The following PLD1 variants were observed in gnomAD, a reference collection of about 807,000 sequenced individuals.
The protein encoded by PLD1 is choline phosphatase 1.
A neutral mutation model predicts 137.1 loss-of-function variants in PLD1; 112 were observed. That is an observed-to-expected ratio of 0.82 (90% CI 0.70 to 0.96). The LOEUF (loss-of-function observed/expected upper bound fraction) is 0.96, where lower values mean the gene tolerates loss of function less well. PLD1 is among the 40% of genes least tolerant of loss of function. The pLI is 0.00. For missense variants in PLD1, 1,321 were observed against 1,342.0 expected, an observed-to-expected ratio of 0.98 and a Z score of 0.24; for synonymous variants, 431 against 454.7, an observed-to-expected ratio of 0.95 and a Z score of 0.66.
chr3:171,626,502 C>T (rs1179267818), intron 23 of PLD1, among the ~76,000 whole-genome samples: 9 of 152,040 alleles, frequency 5.9e-5, no homozygotes, highest in Admixed American at 2.0e-4. Context: ...ATACAGAGAA[C>T]GCCACAAAGA....
At chr3:171,652,781 T>A (rs1441658090) in intron 21 of PLD1, among the ~76,000 whole-genome samples, 1 of 141,472 alleles carries the variant, frequency 7.1e-6, no homozygotes, top group African/African-American at 2.6e-5. Context: ...TTTTTTTTTT[T>A]TTTTTTTTTT....
At chr3:171,637,781 T>C (rs1401551691) in intron 23 of PLD1, among the ~76,000 whole-genome samples, 1 of 152,168 alleles carries the variant, frequency 6.6e-6, no homozygotes, top group African/African-American at 2.4e-5. Context: ...CTGTACAGCA[T>C]GATACTATAC....
chr3:171,809,882 A>T (rs991699709), intron 1 of PLD1: 1 of 152,366 alleles, frequency 6.6e-6, no homozygotes, highest in Non-Finnish European at 1.5e-5. Context: ...AGCCGCGGTC[A>T]GCAGCTGTGA....
chr3:171,786,768 T>C (rs1723026742), intron 1 of PLD1, among the ~76,000 whole-genome samples: 1 of 152,114 alleles, frequency 6.6e-6, no homozygotes, highest in Non-Finnish European at 1.5e-5. Context: ...ATTTTATATA[T>C]AATAAATATC....
intron 1 of PLD1, among the ~76,000 whole-genome samples, chr3:171,777,606 C>T (rs1229909852): frequency 6.6e-6 from 1 of 152,128 alleles, no homozygotes; most frequent in East Asian, 1.9e-4. Context: ...CCTCACTTTC[C>T]AGCCAAATTG....
chr3:171,756,244 G>T (rs150019327), intron 1 of PLD1, among the ~76,000 whole-genome samples: 170 of 152,298 alleles, frequency 1.1e-3, no homozygotes, highest in African/African-American at 4.0e-3. Context: ...GAGCTAAAAA[G>T]TCTTCAGTAA....
chr3:171,639,399 T>C (rs1405662719), intron 23 of PLD1, among the ~76,000 whole-genome samples: 39 of 126,742 alleles, frequency 3.1e-4, no homozygotes, highest in African/African-American at 1.2e-3. Context: ...ATGTAAATTA[T>C]ATATTTATAT....
At chr3:171,686,917 T>C (rs1239915270) in intron 15 of PLD1, 119 bp from the exon 16 acceptor site, 2 of 542,382 alleles carry the variant, frequency 3.7e-6, no homozygotes, top group Non-Finnish European at 3.3e-6. Flanking sequence ...TAAGATTCTG[T>C]GCAACAGAAA....
At chr3:171,732,276 C>T (rs1370616135) in intron 6 of PLD1, among the ~76,000 whole-genome samples, 1 of 152,180 alleles carries the variant, frequency 6.6e-6, no homozygotes, top group Non-Finnish European at 1.5e-5. Flanking sequence ...CCCTGCCTCC[C>T]ATCATCCTTC....
chr3:171,653,783 C>T (rs1361454043), intron 21 of PLD1: 1 of 152,860 alleles, frequency 6.5e-6, no homozygotes, highest in Non-Finnish European at 1.5e-5. Context: ...TGAACTGGTG[C>T]TTTACAGCTT....
intron 25 of PLD1, chr3:171,611,330 T>C (rs1406154143): frequency 5.3e-6 from 1 of 188,684 alleles, no homozygotes; most frequent in Admixed American, 5.3e-5. Flanking sequence ...GAGACGAGAT[T>C]ATATTACTTG....
Position 171,601,735 on chromosome 3 carries a change from T to C in PLD1, c.*1343A>G, listed in dbSNP as rs1012915875. 1 of 152,182 alleles carries C rather than the reference T, an allele frequency of 6.6e-6. No homozygotes were observed. Among genetic ancestry groups the C allele is most frequent in the Non-Finnish European group, 1.5e-5 (1 of 68,036 alleles). The allele number at this position is 152,182 out of a possible 1,614,324, so 9.4% of individuals were successfully genotyped here. ...AGTATGTCCAGGTAATCCATAGACATGTATAATCATTACACCTGCATTTTG... is the reference window on the plus strand; with the variant it reads ...AGTATGTCCAGGTAATCCATAGACACGTATAATCATTACACCTGCATTTTG... On this transcript the variant is annotated 3_prime_UTR_variant, in exon 27 of 27. Transcript: ENST00000351298.
intron 1 of PLD1, among the ~76,000 whole-genome samples, chr3:171,778,615 A>G (rs1722668155): frequency 6.6e-6 from 1 of 152,190 alleles, no homozygotes; most frequent in African/African-American, 2.4e-5. Context: ...AAAAGGGCCC[A>G]GGCAGAAGAA....
intron 23 of PLD1, among the ~76,000 whole-genome samples, chr3:171,626,177 G>A (rs1734088287): frequency 6.6e-6 from 1 of 152,190 alleles, no homozygotes; most frequent in Non-Finnish European, 1.5e-5. Context: ...GGAGCTGAAA[G>A]CCAAGGCTCG....
In PLD1 at chr3:171,708,786, C is replaced by G; in HGVS notation, c.1114G>C (p.Ala372Pro). ...FEDVANAMEE[A>P]NEEIFITDWW... The stretch of plus-strand genomic sequence containing the variant: ...TCTGTGATAAAAATCTCTTCATTTG[C>G]CTCTTCCATTGCATTTGCCACATCT... The change falls in exon 11 of 27, where the codon GCA becomes CCA. Residue 372 changes from alanine to proline, a missense_variant. Coordinates refer to ENST00000351298, the MANE Select transcript of PLD1 (RefSeq NM_002662.5). The G allele has an allele frequency of 6.2e-7, 1 of 1,603,708 alleles. No homozygotes were observed. The highest frequency in any genetic ancestry group is 8.5e-7 in the Non-Finnish European group (1 of 1,170,512).
At chr3:171,639,848 C>CTCTATATATATA (rs3050415) in intron 23 of PLD1, among the ~76,000 whole-genome samples, 80 of 110,182 alleles carry the variant, frequency 7.3e-4, no homozygotes, top group African/African-American at 9.8e-4. Context: ...CTCTCTCTCT[C>CTCTATATATATA]TATATATATA....
intron 10 of PLD1, among the ~76,000 whole-genome samples, chr3:171,709,269 G>T (rs1189135201): frequency 5.3e-5 from 8 of 152,190 alleles, no homozygotes; most frequent in African/African-American, 1.9e-4. Flanking sequence ...TAGGGGTAAT[G>T]ACTTAAATAA....
chr3:171,657,096 T>C (rs7624820), intron 21 of PLD1, among the ~76,000 whole-genome samples: 30 of 152,322 alleles, frequency 2.0e-4, no homozygotes, highest in African/African-American at 6.5e-4. Context: ...CCTATTGTGG[T>C]TAGTGGCCTA....
chr3:171,661,746 C>G (rs1016773858), intron 20 of PLD1, among the ~76,000 whole-genome samples: 1 of 152,134 alleles, frequency 6.6e-6, no homozygotes, highest in Non-Finnish European at 1.5e-5. Context: ...CCAACCCAAG[C>G]GAAAACAAAA....
Sources: gnomAD v4.1 joint callset for allele counts (sites outside exome capture counted in the v4.1 genomes callset) on GRCh38, gnomAD v4.1.1 for gene constraint, MANE v1.5 for transcripts, NCBI Gene and HGNC (gene_info 2026-07-23, HGNC 2026-07-21) for gene names.